Variants in UGT1A6 observed in about 807,000 individuals in gnomAD.
UGT1A6 encodes the protein UDP-glucuronosyltransferase 1A6.
In UGT1A6, 32 loss-of-function variants were observed where a neutral mutation model predicts 44.4. The ratio of observed to expected loss-of-function variants is 0.72; its 90% CI spans 0.54 to 0.97. UGT1A6 has a LOEUF of 0.97. UGT1A6 is among the 50% of genes least tolerant of loss of function. The probability of loss-of-function intolerance (pLI) is 0.00; values close to 1 mark genes in which losing one functional copy is unlikely to be tolerated. For missense variants in UGT1A6, 685 were observed against 661.9 expected (o/e 1.03, Z -0.38); for synonymous variants, 238 against 248.5 (o/e 0.96, Z 0.40).
intron 1 of UGT1A6, among the ~76,000 whole-genome samples, chr2:233,716,770 G>C (rs1477452949): frequency 6.6e-6 from 1 of 152,158 alleles, no homozygotes; most frequent in African/African-American, 2.4e-5. Context: ...GATCACTCAG[G>C]TCAGGCTTTC....
At chr2:233,761,658 A>C (rs1473319616) in intron 1 of UGT1A6, among the ~76,000 whole-genome samples, 1 of 152,256 alleles carries the variant, frequency 6.6e-6, no homozygotes, top group African/African-American at 2.4e-5. Context: ...TAATGAGTGA[A>C]TCACCAGACA....
chr2:233,719,074 C>T, intron 1 of UGT1A6: 1 of 1,614,224 alleles, frequency 6.2e-7, no homozygotes, highest in Non-Finnish European at 8.5e-7. Flanking sequence ...GTTCCATGGA[C>T]CCAGAAGGAA....
Position 233,768,449 on chromosome 2 carries a change from A to T in UGT1A6, c.1301+10A>T, listed in dbSNP as rs757647919. 6.2e-7 allele frequency: 1 copy of T among 1,611,702 alleles called. No individual in the cohort carries two copies. The highest frequency in any genetic ancestry group is 8.5e-7 in the Non-Finnish European group (1 of 1,178,666). On this transcript the variant is annotated intron_variant, in intron 4 of 4. Coordinates refer to ENST00000305139, the MANE Select transcript of UGT1A6 (RefSeq NM_001072.4). ...TCATCAATGACAAAAGGTAAGAAAG[A>T]AGATACAGAAGAATACTTTGGTCAT...
intron 1 of UGT1A6, among the ~76,000 whole-genome samples, chr2:233,709,124 G>A (rs1026369673): frequency 6.6e-6 from 1 of 152,064 alleles, no homozygotes; most frequent in Admixed American, 6.5e-5. Flanking sequence ...TAATCATGGT[G>A]GCCAAGGGGA....
intron 1 of UGT1A6, among the ~76,000 whole-genome samples, chr2:233,757,066 C>A (rs1244177013): frequency 2.6e-5 from 4 of 151,164 alleles, no homozygotes; most frequent in Non-Finnish European, 4.4e-5. Context: ...AGCAAGGGAT[C>A]CAGAATGGCT....
chr2:233,747,775 C>G (rs1325525681), intron 1 of UGT1A6: 1 of 1,613,320 alleles, frequency 6.2e-7, no homozygotes, highest in Non-Finnish European at 8.5e-7. Context: ...ACACAGTGTC[C>G]AAATCCTTCC....
intron 1 of UGT1A6, among the ~76,000 whole-genome samples, chr2:233,757,212 T>G (rs1174758514): frequency 1.4e-5 from 2 of 147,276 alleles, no homozygotes; most frequent in Admixed American, 1.4e-4. Context: ...CCCAGGAAGC[T>G]GCTGACCAAG....
intron 1 of UGT1A6, 28 bp downstream of exon 1, chr2:233,693,893 C>A (rs756262106): frequency 6.2e-7 from 1 of 1,613,750 alleles, no homozygotes; most frequent in Non-Finnish European, 8.5e-7. Flanking sequence ...TTTTGGACTG[C>A]CTTGTTTCTT....
intron 1 of UGT1A6, among the ~76,000 whole-genome samples, chr2:233,712,276 G>A (rs888653994): frequency 1.3e-5 from 2 of 152,222 alleles, no homozygotes; most frequent in Admixed American, 1.3e-4. Flanking sequence ...TTAGACAGCA[G>A]CACCTCTTCT....
chr2:233,712,648 C>T (rs968253315), intron 1 of UGT1A6, among the ~76,000 whole-genome samples: 4 of 152,112 alleles, frequency 2.6e-5, no homozygotes, highest in African/African-American at 4.8e-5. Context: ...GCCTGATAAA[C>T]GTGGTTAAGA....
At chr2:233,720,668 A>G (rs1008664012) in intron 1 of UGT1A6, among the ~76,000 whole-genome samples, 1 of 151,708 alleles carries the variant, frequency 6.6e-6, no homozygotes, top group East Asian at 1.9e-4. Context: ...TCACACACCA[A>G]TGAATTTGGT....
intron 1 of UGT1A6, chr2:233,755,405 C>T (rs1027033483): frequency 1.1e-4 from 37 of 334,342 alleles, no homozygotes; most frequent in Middle Eastern, 1.1e-3. Context: ...ATCTCATTGG[C>T]CGAGGCCTGT....
chr2:233,773,166 A>T lies in UGT1A6; in HGVS notation c.*607A>T, dbSNP rs1365431114. ...ATTGGTGGGTGGTGTATTTGAGAAGATAATCATTGCTTATGTCAAATGGAG... is the reference window on the plus strand; with the variant it reads ...ATTGGTGGGTGGTGTATTTGAGAAGTTAATCATTGCTTATGTCAAATGGAG... On this transcript the variant is annotated 3_prime_UTR_variant, in exon 5 of 5. Transcript: ENST00000305139. The T allele has an allele frequency of 6.5e-6, 1 of 153,410 alleles. No individual in the cohort carries two copies. Among genetic ancestry groups the T allele is most frequent in the Non-Finnish European group, 1.5e-5 (1 of 68,794 alleles). The allele number at this position is 153,410 out of a possible 1,614,324, so 9.5% of individuals were successfully genotyped here.
intron 1 of UGT1A6, among the ~76,000 whole-genome samples, chr2:233,731,303 T>C (rs2078137906): frequency 6.6e-6 from 1 of 151,406 alleles, no homozygotes; most frequent in Non-Finnish European, 1.5e-5. Context: ...TTTTTTATTA[T>C]ACTTTAAGTT....
chr2:233,738,651 A>G (rs1690862678), intron 1 of UGT1A6, among the ~76,000 whole-genome samples: 1 of 152,234 alleles, frequency 6.6e-6, no homozygotes, highest in Non-Finnish European at 1.5e-5. Context: ...GCTCTTTGGA[A>G]CTACGAACTT....
intron 1 of UGT1A6, chr2:233,729,817 T>C: frequency 4.3e-6 from 7 of 1,613,956 alleles, no homozygotes; most frequent in Non-Finnish European, 5.9e-6. Flanking sequence ...TTCTGCTCCT[T>C]ATGCAAGCCT....
intron 1 of UGT1A6, among the ~76,000 whole-genome samples, chr2:233,724,528 C>T (rs1239231307): frequency 1.8e-5 from 2 of 112,842 alleles, no homozygotes; most frequent in Admixed American, 1.7e-4. Flanking sequence ...GATGGGGTCT[C>T]GCCGGGCAGA....
At chr2:233,718,907 A>C (rs368882210) in intron 1 of UGT1A6, 4 of 1,613,892 alleles carry the variant, frequency 2.5e-6, no homozygotes, top group Middle Eastern at 1.7e-4. Context: ...CTGAGAGTGG[A>C]AAGGTGTTGG....
chr2:233,723,259 G>T (rs1486772890), intron 1 of UGT1A6, among the ~76,000 whole-genome samples: 1 of 114,276 alleles, frequency 8.8e-6, no homozygotes, highest in African/African-American at 4.3e-5. Flanking sequence ...ACCCAGGCTG[G>T]AGTGCAATGG....
Sources: gnomAD v4.1 joint callset for allele counts (sites outside exome capture counted in the v4.1 genomes callset) on GRCh38, gnomAD v4.1.1 for gene constraint, MANE v1.5 for transcripts, NCBI Gene and HGNC (gene_info 2026-07-23, HGNC 2026-07-21) for gene names.